Variants in USB1 observed in about 807,000 individuals in gnomAD.
USB1 encodes the protein U6 snRNA phosphodiesterase 1.
A neutral mutation model predicts 29.9 loss-of-function variants in USB1; 21 were observed. The observed-to-expected ratio is 0.70, with a 90% confidence interval of 0.50 to 1.01. The LOEUF is 1.01. USB1 is among the 50% of genes least tolerant of loss of function. USB1 has a pLI of 0.00. For missense variants in USB1, 330 were observed against 347.1 expected, an observed-to-expected ratio of 0.95 and a Z score of 0.39; for synonymous variants, 143 against 134.9, an observed-to-expected ratio of 1.06 and a Z score of -0.42.
At chr16:58,002,725 T>A (rs1963258258) in intron 2 of USB1, 80 bp downstream of exon 2, 2 of 1,587,264 alleles carry the variant, frequency 1.3e-6, no homozygotes, top group African/African-American at 2.7e-5. Flanking sequence ...TGGCCCCAAC[T>A]AGAAGGAAGA....
intron 4 of USB1, 111 bp downstream of exon 4, chr16:58,014,437 T>C (rs1963569366): frequency 1.1e-6 from 1 of 925,118 alleles, no homozygotes; most frequent in East Asian, 2.5e-5. Context: ...TTTAACCAAC[T>C]CTATGACTAT....
chr16:58,013,592 T>C lies in USB1; in HGVS notation c.450-681T>C. On this transcript the variant is annotated intron_variant, in intron 3 of 6. Transcript: ENST00000219281. This position sits in a 1 kb window ranked among gnomAD's most constrained non-coding sequence, Gnocchi z 4.3. ...GCTGAGCCTGACTCTTCCCGTGTTATTGATCTGAGGGGTGGGTGGGTGGGG... is the reference window on the plus strand; with the variant it reads ...GCTGAGCCTGACTCTTCCCGTGTTACTGATCTGAGGGGTGGGTGGGTGGGG... The C allele has an allele frequency of 2.6e-5, 4 of 153,182 alleles. No homozygotes were observed. Among genetic ancestry groups the C allele is most frequent in the Non-Finnish European group, 3.9e-5 (4 of 103,008 alleles). The allele number at this position is 153,182 out of a possible 1,614,324, so 9.5% of individuals were successfully genotyped here.
At chr16:58,007,897 C>T (rs973149375) in intron 2 of USB1, among the ~76,000 whole-genome samples, 4 of 152,156 alleles carry the variant, frequency 2.6e-5, no homozygotes, top group Non-Finnish European at 5.9e-5. Flanking sequence ...GCAGGAGAAT[C>T]GCTTGAACCT....
upstream of USB1, among the ~76,000 whole-genome samples, chr16:58,001,040 A>C (rs531011942): frequency 1.7e-3 from 259 of 151,612 alleles, 1 homozygote; most frequent in African/African-American, 5.9e-3. Context: ...AGGGGCTTGG[A>C]CTTTGGGCTG....
chr16:58,012,358 GC>G, intron 3 of USB1: 1 of 1,530,122 alleles, frequency 6.5e-7, no homozygotes, highest in Non-Finnish European at 8.8e-7. Context: ...ACCCAAAGTG[GC>G]TTAAACCAAA....
intron 3 of USB1, chr16:58,011,401 C>G: frequency 8.5e-7 from 1 of 1,179,694 alleles, no homozygotes; most frequent in Non-Finnish European, 1.1e-6. Context: ...TTTTTTTTTC[C>G]CCTTACCTAT....
At chr16:58,009,013 T>G (rs556674099) in intron 2 of USB1, among the ~76,000 whole-genome samples, 63 of 152,340 alleles carry the variant, frequency 4.1e-4, no homozygotes, top group Non-Finnish European at 6.9e-4. Context: ...GATCAGACAT[T>G]GTATGGTTTC....
rs1963708660 is a variant in USB1, at chr16:58,020,395, C to G, written c.*150C>G. On this transcript the variant is annotated 3_prime_UTR_variant, in exon 7 of 7. Transcript: ENST00000219281. The stretch of plus-strand genomic sequence containing the variant: ...AGGAGGTGTAGCCACTCCTCATCCT[C>G]CCTGAGTGCTGATATTCTCTCTCTC... 9 of 707,270 alleles carry G rather than the reference C, an allele frequency of 1.3e-5. No individual in the cohort carries two copies. The highest frequency in any genetic ancestry group is 3.0e-5 in the South Asian group (2 of 65,902). The allele number at this position is 707,270 out of a possible 1,614,324, so 43.8% of individuals were successfully genotyped here.
chr16:58,007,833 A>C (rs550740935), intron 2 of USB1, among the ~76,000 whole-genome samples: 1 of 152,056 alleles, frequency 6.6e-6, no homozygotes, highest in Non-Finnish European at 1.5e-5. Flanking sequence ...ATACAAAAAA[A>C]TTAGCCATGC....
At chr16:58,014,229 T>G in intron 3 of USB1, 44 bp from the exon 4 acceptor site, 1 of 1,549,666 alleles carries the variant, frequency 6.5e-7, no homozygotes, top group South Asian at 1.1e-5. Context: ...TTTTCTGCTT[T>G]TTTTCTTACG....
At chr16:58,007,697 A>G (rs777175030) in intron 2 of USB1, among the ~76,000 whole-genome samples, 5 of 150,702 alleles carry the variant, frequency 3.3e-5, no homozygotes, top group South Asian at 2.2e-4. Context: ...GTAATTATTT[A>G]TTTATTCAGG....
intron 2 of USB1, among the ~76,000 whole-genome samples, chr16:58,003,728 T>G (rs1963286921): frequency 6.6e-6 from 1 of 152,230 alleles, no homozygotes; most frequent in South Asian, 2.1e-4. Context: ...TTAATATTAA[T>G]CATTTTTGTT....
chr16:58,006,383 G>A (rs918193451), intron 2 of USB1, among the ~76,000 whole-genome samples: 4 of 149,016 alleles, frequency 2.7e-5, no homozygotes, highest in African/African-American at 9.9e-5. Flanking sequence ...AAAAAAAACG[G>A]ACACAGTGGC....
intron 3 of USB1, 135 bp downstream of exon 3, chr16:58,010,247 T>C: frequency 9.4e-7 from 1 of 1,065,034 alleles, no homozygotes; most frequent in Non-Finnish European, 1.4e-6. Flanking sequence ...TGGGGCTGCC[T>C]GCTCTACTTC....
At chr16:58,018,884 G>A (rs1963678205) in intron 5 of USB1, 88 bp from the exon 6 acceptor site, 1 of 1,337,148 alleles carries the variant, frequency 7.5e-7, no homozygotes, top group Non-Finnish European at 1.1e-6. Context: ...CAGCAGGGAT[G>A]TCACGACAGC....
chr16:58,012,180 A>T, intron 3 of USB1: 2 of 1,462,372 alleles, frequency 1.4e-6, no homozygotes, highest in Non-Finnish European at 1.8e-6. Flanking sequence ...CCAGAGGAGG[A>T]CAGGATTTGT....
chr16:58,002,496 C>A lies in USB1; in HGVS notation c.116C>A (p.Pro39His), dbSNP rs1470407361. 15 of 1,613,908 alleles carry A rather than the reference C, an allele frequency of 9.3e-6. No individual in the cohort carries two copies. The highest frequency in any genetic ancestry group is 1.3e-5 in the African/African-American group (1 of 74,898). ...TTTTGCAGTGGCCAGAGCCCCCTTC[C>A]CAGGCAGAGATTTCCAGTACCTGAC... ...GSHRRGQSPL[P>H]RQRFPVPDSV... Residue 39 changes from proline (P) to histidine (H), a missense_variant, in exon 2 of 7, where the codon CCC (proline) becomes CAC (histidine). Pro to His is a moderately conservative substitution (Grantham distance 77). Coordinates refer to ENST00000219281, the MANE Select transcript of USB1 (RefSeq NM_024598.4).
At chr16:58,016,152 G>T (rs907622406) in intron 4 of USB1, 4 of 152,324 alleles carry the variant, frequency 2.6e-5, no homozygotes, top group African/African-American at 9.7e-5. Context: ...CTAGATTAGG[G>T]TGATGGCCAT....
rs1963707418 is a variant in USB1, at chr16:58,020,298, G to A, written c.*53G>A. 13 of 1,561,826 alleles carry A rather than the reference G, an allele frequency of 8.3e-6. No homozygotes were observed. Among genetic ancestry groups the A allele is most frequent in the Non-Finnish European group, 1.1e-5 (13 of 1,134,032 alleles). On this transcript the variant is annotated 3_prime_UTR_variant, in exon 7 of 7. Transcript: ENST00000219281. ...CCTCTGCAGACCAGGCTGAGATGGA[G>A]GAACCTGCTAAAATCGATGGAGATG...
Sources: allele counts gnomAD v4.1 joint callset (sites outside exome capture counted in the v4.1 genomes callset), GRCh38; gene constraint gnomAD v4.1.1; non-coding constraint Gnocchi (gnomAD v3.1); transcripts MANE v1.5; gene names NCBI Gene and HGNC (gene_info 2026-07-23, HGNC 2026-07-21).